PKP3: variants seen among roughly 807,000 people sequenced by gnomAD.
PKP3 encodes plakophilin-3.
In PKP3, 66 loss-of-function variants were observed where a neutral mutation model predicts 76.5. The ratio of observed to expected loss-of-function variants is 0.86; its 90% confidence interval spans 0.71 to 1.06. The LOEUF is 1.06. Ranked by LOEUF, PKP3 falls within the 50% of genes least tolerant of loss-of-function variation. The probability of loss-of-function intolerance (pLI) is 0.00; values close to 1 mark genes in which losing one functional copy is unlikely to be tolerated. For synonymous variants in PKP3, 638 were observed against 516.5 expected, an observed-to-expected ratio of 1.24 and a Z score of -3.19; for missense variants, 1,338 against 1,141.0, an observed-to-expected ratio of 1.17 and a Z score of -2.49.
chr11:404,731 G>C lies in PKP3; in HGVS notation c.*162G>C, dbSNP rs1847228536. The C allele has an allele frequency of 1.6e-6, 1 of 644,642 alleles. No individual in the cohort carries two copies. Among genetic ancestry groups the C allele is most frequent in the African/African-American group, 1.8e-5 (1 of 54,558 alleles). 39.9% of individuals were successfully genotyped at this position (644,642 alleles called of 1,614,324 possible). A position where few individuals can be genotyped will look rare whatever the true frequency, so the allele number is the denominator to read the frequency against. On this transcript the variant is annotated 3_prime_UTR_variant, in exon 13 of 13. Transcript: ENST00000331563. The surrounding 1 kb of genome is among the most constrained non-coding windows in gnomAD (Gnocchi z 4.2). ...TTGAGGGTCCTGGGCCACCAGGAGGGGCAGGGTCTTATAGCTGGGGACTTG... is the reference window on the plus strand; with the variant it reads ...TTGAGGGTCCTGGGCCACCAGGAGGCGCAGGGTCTTATAGCTGGGGACTTG...
chr11:403,949 A>T lies in PKP3; in HGVS notation c.2084A>T (p.Lys695Met). 1 of 1,598,846 alleles carries T rather than the reference A, an allele frequency of 6.3e-7. No homozygotes were observed. Among genetic ancestry groups the T allele is most frequent in the Non-Finnish European group, 8.5e-7 (1 of 1,170,952 alleles). ...GACCCCCGGCCTCCCACAGCCACGA[A>T]GGTGGTGAGCCACCTGATCGAGAAG... is the stretch of plus-strand genomic sequence containing the variant. ...NARNKDEMST[K>M]VVSHLIEKLP... Residue 695 changes from lysine (K) to methionine (M), a missense_variant, in exon 11 of 13, where the codon AAG (lysine) becomes ATG (methionine). Lys to Met is a moderately conservative substitution (Grantham distance 95, BLOSUM62 -1). Coordinates refer to ENST00000331563, the MANE Select transcript of PKP3 (RefSeq NM_007183.4).
Position 404,206 on chromosome 11 carries a change from T to C in PKP3, c.2271-30T>C. The C allele has an allele frequency of 6.2e-7, 1 of 1,610,018 alleles. No individual in the cohort carries two copies. The highest frequency in any genetic ancestry group is 8.5e-7 in the Non-Finnish European group (1 of 1,177,690). On this transcript the variant is annotated intron_variant, in intron 11 of 12. Transcript: ENST00000331563. The surrounding 1 kb of genome is among the most constrained non-coding windows in gnomAD (Gnocchi z 4.2). ...CAGTCCACCCTGCTTTCTGGCTGTG[T>C]GTCCCCTCCTGACTGCCCTCCACCC...
rs1465190812 is a variant in PKP3, at chr11:394,251, T to A, written c.-42T>A. On this transcript the variant is annotated 5_prime_UTR_variant, in exon 1 of 13. In the 5' UTR this introduces an upstream ATG that the reference lacks. Coordinates refer to ENST00000331563, the MANE Select transcript of PKP3 (RefSeq NM_007183.4). The stretch of plus-strand genomic sequence containing the variant: ...GGACAGGACGTGAAGATAGTTGGGT[T>A]TGGAGGCGGCCGCCAGGCCCAGGCC... 1 of 1,456,364 alleles carries A rather than the reference T, an allele frequency of 6.9e-7. No individual in the cohort carries two copies. Among genetic ancestry groups the A allele is most frequent in the Non-Finnish European group, 9.0e-7 (1 of 1,110,298 alleles). 90.2% of individuals were successfully genotyped at this position (1,456,364 alleles called of 1,614,324 possible). A position where few individuals can be genotyped will look rare whatever the true frequency, so the allele number is the denominator to read the frequency against.
Position 404,067 on chromosome 11 carries a change from C to G in PKP3, c.2202C>G (p.Ile734Met), listed in dbSNP as rs200127539. 27 of 1,612,386 alleles carry G rather than the reference C, an allele frequency of 1.7e-5. No homozygotes were observed. The Admixed American group carries it at 4.2e-4, about 25-fold the overall frequency. Residue 734 changes from isoleucine to methionine, a missense_variant, in exon 11 of 13, where the codon ATC (isoleucine) becomes ATG (methionine). Coordinates refer to ENST00000331563, the MANE Select transcript of PKP3 (RefSeq NM_007183.4). The surrounding 1 kb of genome is among the most constrained non-coding windows in gnomAD (Gnocchi z 4.2). ...VLNNLVVASP[I>M]AARDLLYFDG... is the part of the protein sequence containing the mutation. ...ACAACCTGGTGGTGGCCAGCCCCATCGCTGCCCGAGACCTGCTGTATTTTG... is the reference window on the plus strand; with the variant it reads ...ACAACCTGGTGGTGGCCAGCCCCATGGCTGCCCGAGACCTGCTGTATTTTG...
chr11:398,047 C>T (rs1847083289), intron 4 of PKP3, among the ~76,000 whole-genome samples: 5 of 102,262 alleles, frequency 4.9e-5, no homozygotes, highest in African/African-American at 1.3e-4. Context: ...TACCCCCGCA[C>T]ACACCTGCGT....
upstream of PKP3, chr11:392,639 G>T: frequency 7.8e-7 from 1 of 1,286,788 alleles, no homozygotes; most frequent in Non-Finnish European, 1.0e-6. Context: ...TGGAGTCCTG[G>T]ACACCTCGGC....
chr11:399,302 C>T lies in PKP3; in HGVS notation c.1273+106C>T, dbSNP rs534794708. 4.9e-4 allele frequency: 217 copies of T among 439,710 alleles called. 2 individuals carry two copies. The South Asian group carries it at 5.3e-3, about 11-fold the overall frequency. The allele number at this position is 439,710 out of a possible 1,614,324, so 27.2% of individuals were successfully genotyped here. A position where few individuals can be genotyped will look rare whatever the true frequency, so the allele number is the denominator to read the frequency against. Reference sequence around the variant, plus strand: ...CCCCCCTCCACCTGCCCACCATCTGCCCCCCTTCTCCACCTGCCCCCTCTG... The same window carrying T: ...CCCCCCTCCACCTGCCCACCATCTGTCCCCCTTCTCCACCTGCCCCCTCTG... On this transcript the variant is annotated intron_variant, in intron 5 of 12. Coordinates refer to ENST00000331563, the MANE Select transcript of PKP3 (RefSeq NM_007183.4).
At chr11:400,186 C>A in intron 6 of PKP3, 45 bp downstream of exon 6, 1 of 1,471,994 alleles carries the variant, frequency 6.8e-7, no homozygotes, top group South Asian at 1.4e-5. Flanking sequence ...AGGCGCGGGT[C>A]ACTGTGGGGA....
Position 404,547 on chromosome 11 carries a change from A to T in PKP3, c.2372A>T (p.Lys791Met). ...TCTCCACTGTAGAAGGGCTATCGGA[A>T]GGAGGACTTCCTGGGCCCATAGGTG... Reference protein sequence around the residue: ...HRDFRAKGYRKEDFLGP With the variant: ...HRDFRAKGYRMEDFLGP The change falls in exon 13 of 13, where the codon AAG becomes ATG. Residue 791 changes from lysine to methionine, a missense_variant. Coordinates refer to ENST00000331563, the MANE Select transcript of PKP3 (RefSeq NM_007183.4). The surrounding 1 kb of genome is among the most constrained non-coding windows in gnomAD (Gnocchi z 4.2). The T allele has an allele frequency of 6.2e-7, 1 of 1,612,656 alleles. No homozygotes were observed.
At chr11:395,954 C>T (rs1338232604) in intron 1 of PKP3, among the ~76,000 whole-genome samples, 2 of 152,210 alleles carry the variant, frequency 1.3e-5, no homozygotes, top group Non-Finnish European at 2.9e-5. Flanking sequence ...TCACAGCAGC[C>T]CTCCCATCCT....
At position 400,684 on chromosome 11, in the gene PKP3, G is replaced by T. The variant is rs984178709; in HGVS notation, c.1716G>T (p.Pro572=). The T allele has an allele frequency of 2.3e-6, 3 of 1,290,782 alleles. No homozygotes were observed. Among genetic ancestry groups the T allele is most frequent in the Admixed American group, 8.7e-5 (2 of 22,978 alleles). 80.0% of individuals were successfully genotyped at this position (1,290,782 alleles called of 1,614,324 possible). ...PPGEVVGCFT[P]QSRRLRELPL... is the part of the protein sequence containing the mutation. ...GAGAGGTCGTGGGCTGCTTCACGCCGCAGAGCCGGCGGCTGCGCGAGGTGG... is the reference window on the plus strand; with the variant it reads ...GAGAGGTCGTGGGCTGCTTCACGCCTCAGAGCCGGCGGCTGCGCGAGGTGG... Residue 572 remains proline (P), a synonymous_variant, in exon 8 of 13, where the codon CCG becomes CCT. Transcript: ENST00000331563.
Position 399,194 on chromosome 11 carries a change from C to T in PKP3, c.1271C>T (p.Thr424Ile), listed in dbSNP as rs1277586729. 1 of 1,576,006 alleles carries T rather than the reference C, an allele frequency of 6.3e-7. No individual in the cohort carries two copies. Among genetic ancestry groups the T allele is most frequent in the African/African-American group, 1.4e-5 (1 of 73,816 alleles). Reference sequence around the variant, plus strand: ...GATGATGAGCTTCGCAAAAATGTCACAGGTGCTGCCTGTCCCCTCCTCCAC... The same window carrying T: ...GATGATGAGCTTCGCAAAAATGTCATAGGTGCTGCCTGTCCCCTCCTCCAC... The part of the protein sequence containing the change: ...EQDDELRKNV[T>I]GILWNLSSSD... The change falls in exon 5 of 13, where the codon ACA becomes ATA. Residue 424 changes from threonine (T) to isoleucine (I), a missense_variant and splice_region_variant. By Grantham distance (89) the Thr-to-Ile change is moderately conservative. Coordinates refer to ENST00000331563, the MANE Select transcript of PKP3 (RefSeq NM_007183.4).
chr11:394,758 G>T (rs1847024013), intron 1 of PKP3, among the ~76,000 whole-genome samples: 1 of 152,238 alleles, frequency 6.6e-6, no homozygotes, highest in Admixed American at 6.5e-5. Flanking sequence ...CCCCACCTGT[G>T]CCTGGAGTCC....
chr11:399,888 G>A (rs1472996072), intron 5 of PKP3, 79 bp from the exon 6 acceptor site: 19 of 1,200,438 alleles, frequency 1.6e-5, no homozygotes, highest in South Asian at 2.8e-5. Context: ...GGGGAGAGGC[G>A]GGACCTCTTC....
chr11:394,488 G>A lies in PKP3; in HGVS notation c.196G>A (p.Ala66Thr). 7.1e-7 allele frequency: 1 copy of A among 1,414,334 alleles called. No individual in the cohort carries two copies. 87.6% of individuals were successfully genotyped at this position (1,414,334 alleles called of 1,614,324 possible). Residue 66 changes from alanine (A) to threonine (T), a missense_variant, in exon 1 of 13, where the codon GCC becomes ACC. Transcript: ENST00000331563. ...QLGQQPRHNG[A>T]AEPEPEAETA... Reference sequence around the variant, plus strand: ...GGGACAGCAGCCGCGGCACAACGGGGCCGCTGAGCCCGAGCCTGAGGCCGA... The same window carrying A: ...GGGACAGCAGCCGCGGCACAACGGGACCGCTGAGCCCGAGCCTGAGGCCGA...
chr11:403,249 G>A lies in PKP3; in HGVS notation c.1909G>A (p.Ala637Thr). The A allele has an allele frequency of 3.2e-6, 5 of 1,577,978 alleles. No individual in the cohort carries two copies. The highest frequency in any genetic ancestry group is 4.3e-6 in the Non-Finnish European group (5 of 1,167,122). The change falls in exon 9 of 13, where the codon GCA becomes ACA. Residue 637 changes from alanine (A) to threonine (T), a missense_variant. Transcript: ENST00000331563. Reference protein sequence around the residue: ...AAAGALQNITAGDRRWAGVLS... With the variant: ...AAAGALQNITTGDRRWAGVLS... The stretch of plus-strand genomic sequence containing the variant: ...CGCCGGGGCGCTGCAGAACATCACG[G>A]CAGGCGACCGCAGGGTGGGGCACCC...
At position 404,074 on chromosome 11, in the gene PKP3, C is replaced by G. The variant is rs747957905; in HGVS notation, c.2209C>G (p.Arg737Gly). Residue 737 changes from arginine to glycine, a missense_variant, in exon 11 of 13, where the codon CGA (arginine) becomes GGA (glycine). Arg to Gly is a moderately radical substitution (Grantham distance 125, BLOSUM62 -2). Transcript: ENST00000331563. The surrounding 1 kb of genome is among the most constrained non-coding windows in gnomAD (Gnocchi z 4.2). ...NLVVASPIAARDLLYFDGLRK... is the reference protein window; with the variant it reads ...NLVVASPIAAGDLLYFDGLRK... ...GGTGGTGGCCAGCCCCATCGCTGCC[C>G]GAGACCTGCTGTATTTTGACGGACT... is the stretch of plus-strand genomic sequence containing the variant. 3.2e-5 allele frequency: 51 copies of G among 1,612,354 alleles called. 1 individual carries two copies. In the South Asian group the frequency reaches 3.4e-4, roughly 11 times the overall value.
At position 397,343 on chromosome 11, in the gene PKP3, T is replaced by G; in HGVS notation, c.842T>G (p.Val281Gly). The change falls in exon 3 of 13, where the codon GTG becomes GGG. Residue 281 changes from valine (V) to glycine (G), a missense_variant. Transcript: ENST00000331563. ...GAGCCAGTGGCTCGAGCGCCATCTG[T>G]GCGCAGCCTCAGCCTCAGCCTGGCT... Reference protein sequence around the residue: ...VLEPVARAPSVRSLSLSLADS... With the variant: ...VLEPVARAPSGRSLSLSLADS... The G allele has an allele frequency of 6.3e-7, 1 of 1,586,452 alleles. No homozygotes were observed. The highest frequency in any genetic ancestry group is 8.6e-7 in the Non-Finnish European group (1 of 1,168,994).
Position 403,282 on chromosome 11 carries a change from A to C in PKP3, c.1923+19A>C. On this transcript the variant is annotated intron_variant, in intron 9 of 12. Coordinates refer to ENST00000331563, the MANE Select transcript of PKP3 (RefSeq NM_007183.4). Reference sequence around the variant, plus strand: ...CCGCAGGGTGGGGCACCCAACCCAGACCCGAGGGGGTCCCAGGGGTTCATG... The same window carrying C: ...CCGCAGGGTGGGGCACCCAACCCAGCCCCGAGGGGGTCCCAGGGGTTCATG... 1 of 1,499,706 alleles carries C rather than the reference A, an allele frequency of 6.7e-7. No individual in the cohort carries two copies. Among genetic ancestry groups the C allele is most frequent in the East Asian group, 2.7e-5 (1 of 37,694 alleles). 92.9% of individuals were successfully genotyped at this position (1,499,706 alleles called of 1,614,324 possible). A position where few individuals can be genotyped will look rare whatever the true frequency, so the allele number is the denominator to read the frequency against.
Sources: allele counts gnomAD v4.1 joint callset (sites outside exome capture counted in the v4.1 genomes callset), GRCh38; gene constraint gnomAD v4.1.1; non-coding constraint Gnocchi (gnomAD v3.1); transcripts MANE v1.5; gene names NCBI Gene and HGNC (gene_info 2026-07-23, HGNC 2026-07-21).